ENOX1: variants seen among roughly 807,000 people sequenced by gnomAD.
ENOX1 encodes ecto-NOX disulfide-thiol exchanger 1.
Under a neutral mutation model 82.5 loss-of-function variants are expected in ENOX1, and 42 were observed. That is an observed-to-expected ratio of 0.51 (90% CI 0.40 to 0.66). ENOX1 has a LOEUF of 0.66. Ranked by LOEUF, ENOX1 falls within the 30% of genes least tolerant of loss-of-function variation. The pLI is 0.00. For synonymous variants in ENOX1, 271 were observed against 282.2 expected, an observed-to-expected ratio of 0.96 and a Z score of 0.40; for missense variants, 608 against 811.6, an observed-to-expected ratio of 0.75 and a Z score of 3.05.
At chr13:43,748,442 T>C (rs1950140537) in intron 1 of ENOX1, among the ~76,000 whole-genome samples, 5 of 152,230 alleles carry the variant, frequency 3.3e-5, no homozygotes, top group Admixed American at 3.3e-4. Flanking sequence ...TAAAAAGTTC[T>C]AAACTAATGG....
intron 5 of ENOX1, among the ~76,000 whole-genome samples, chr13:43,389,977 T>C (rs1429657195): frequency 6.6e-6 from 1 of 152,126 alleles, no homozygotes; most frequent in African/African-American, 2.4e-5. Flanking sequence ...CTAGCCTGTA[T>C]GAAAGAACAA....
chr13:43,340,825 C>A, intron 9 of ENOX1, among the ~76,000 whole-genome samples: 1 of 152,334 alleles, frequency 6.6e-6, no homozygotes, highest in Non-Finnish European at 1.5e-5. Context: ...TCTACTCATT[C>A]ATTCACTCAC....
intron 1 of ENOX1, among the ~76,000 whole-genome samples, chr13:43,700,076 T>C (rs2086833429): frequency 6.6e-6 from 1 of 152,146 alleles, no homozygotes; most frequent in African/African-American, 2.4e-5. Context: ...CTGTTAACAA[T>C]TGTTTGTTTT....
chr13:43,555,205 G>A (rs1335063584), intron 2 of ENOX1, among the ~76,000 whole-genome samples: 1 of 152,156 alleles, frequency 6.6e-6, no homozygotes, highest in African/African-American at 2.4e-5. Context: ...AGCTACAGAG[G>A]AAAAGTGCTA....
At chr13:43,585,023 C>T (rs895049835) in intron 2 of ENOX1, among the ~76,000 whole-genome samples, 1 of 152,186 alleles carries the variant, frequency 6.6e-6, no homozygotes, top group Non-Finnish European at 1.5e-5. Flanking sequence ...TTTGAATATG[C>T]TATCTCATAA....
At chr13:43,329,157 G>T (rs1253157979) in intron 9 of ENOX1, among the ~76,000 whole-genome samples, 1 of 152,232 alleles carries the variant, frequency 6.6e-6, no homozygotes, top group East Asian at 1.9e-4. Context: ...ATAGAGTTGT[G>T]GGAGGATGAG....
chr13:43,501,250 C>A (rs562879085), intron 2 of ENOX1, among the ~76,000 whole-genome samples: 1 of 151,630 alleles, frequency 6.6e-6, no homozygotes, highest in South Asian at 2.1e-4. Flanking sequence ...TTTAAGTCAA[C>A]TGTCACAAGA....
intron 2 of ENOX1, among the ~76,000 whole-genome samples, chr13:43,604,387 C>T (rs1180600510): frequency 6.6e-6 from 1 of 152,136 alleles, no homozygotes; most frequent in African/African-American, 2.4e-5. Context: ...AAAAACAATA[C>T]ACCAAAACCT....
intron 5 of ENOX1, among the ~76,000 whole-genome samples, chr13:43,387,323 C>T (rs906155981): frequency 4.6e-5 from 7 of 152,150 alleles, no homozygotes; most frequent in African/African-American, 1.4e-4. Context: ...CTTTTGAGTT[C>T]AGTTCCTAAA....
At chr13:43,359,511 TGA>T (rs1004013743) in intron 7 of ENOX1, among the ~76,000 whole-genome samples, 3 of 152,220 alleles carry the variant, frequency 2.0e-5, no homozygotes, top group African/African-American at 4.8e-5. Flanking sequence ...GAAATTATTC[TGA>T]GAGAGTACTT....
At chr13:43,578,799 A>G (rs2080562539) in intron 2 of ENOX1, among the ~76,000 whole-genome samples, 1 of 152,192 alleles carries the variant, frequency 6.6e-6, no homozygotes, top group East Asian at 1.9e-4. Flanking sequence ...AGAATGAATC[A>G]ATGAACACAA....
At chr13:43,751,828 C>T (rs1378611367) in intron 1 of ENOX1, among the ~76,000 whole-genome samples, 1 of 152,146 alleles carries the variant, frequency 6.6e-6, no homozygotes, top group Non-Finnish European at 1.5e-5. Context: ...TTACAAAGAA[C>T]ACTGCTATGA....
rs553160567 is a variant in ENOX1 at position 43,261,060 on chromosome 13, C to T, written c.1611+4338G>A. On this transcript the variant is annotated intron_variant, in intron 14 of 16. Coordinates refer to ENST00000690772, the MANE Select transcript of ENOX1 (RefSeq NM_001347969.2). Reference sequence around the variant, plus strand: ...TTTTAAATCTGCTTTCAGAAAACTTCTCCTGGGCATGCATTCGCAGATGAT... The same window carrying T: ...TTTTAAATCTGCTTTCAGAAAACTTTTCCTGGGCATGCATTCGCAGATGAT... 5.9e-5 allele frequency among the ~76,000 whole-genome samples: 9 copies of T among 152,282 alleles called. No homozygotes were observed. The East Asian group carries it at 1.7e-3, about 29-fold the overall frequency.
chr13:43,547,814 G>C (rs1454103617), intron 2 of ENOX1: 1 of 152,146 alleles, frequency 6.6e-6, no homozygotes, highest in African/African-American at 2.4e-5. Context: ...GGCTCTTCTA[G>C]AAAGTGGGAC....
chr13:43,771,933 A>ATTTTTTTTTTTTTTTTTT (rs34718451), intron 1 of ENOX1, among the ~76,000 whole-genome samples: 8 of 100,970 alleles, frequency 7.9e-5, no homozygotes, highest in African/African-American at 1.2e-4. Flanking sequence ...CGCCCGGCTA[A>ATTTTTTTTTTTTTTTTTT]TTTTTTTTTT....
intron 9 of ENOX1, among the ~76,000 whole-genome samples, chr13:43,337,129 G>A (rs1004403612): frequency 2.6e-5 from 4 of 152,244 alleles, no homozygotes; most frequent in South Asian, 2.1e-4. Flanking sequence ...TTGAGATCAC[G>A]GTTTACTAAA....
At position 43,213,544 on chromosome 13, in the gene ENOX1, C is replaced by CTTTTTTTTTTTTTTTTTTTTTTTTTTT. The variant is rs3043205; in HGVS notation, c.*445_*446insAAAAAAAAAAAAAAAAAAAAAAAAAAA. On this transcript the variant is annotated 3_prime_UTR_variant, in exon 17 of 17. Coordinates refer to ENST00000690772, the MANE Select transcript of ENOX1 (RefSeq NM_001347969.2). ...TTTTTCTTTTTTTCTTTTTCTTTTTCTTTTTTTTTTTTTTTTTTTTTTTAC... is the reference window on the plus strand; with the variant it reads ...TTTTTCTTTTTTTCTTTTTCTTTTTCTTTTTTTTTTTTTTTTTTTTTTTTTTTTTTTTTTTTTTTTTTTTTTTTTTAC... 1.3e-4 allele frequency: 11 copies of CTTTTTTTTTTTTTTTTTTTTTTTTTTT among 84,004 alleles called. No individual in the cohort carries two copies. The highest frequency in any genetic ancestry group is 4.2e-4 in the East Asian group (1 of 2,394). 5.2% of individuals were successfully genotyped at this position (84,004 alleles called of 1,614,324 possible).
chr13:43,232,583 G>GTATAGT (rs749607766), intron 15 of ENOX1, among the ~76,000 whole-genome samples: 26 of 152,088 alleles, frequency 1.7e-4, no homozygotes, highest in Non-Finnish European at 2.9e-4. Flanking sequence ...TCTGCTTCTG[G>GTATAGT]TATAGTCTGG....
chr13:43,462,775 T>C (rs925269259), intron 3 of ENOX1, among the ~76,000 whole-genome samples: 1 of 152,182 alleles, frequency 6.6e-6, no homozygotes, highest in Admixed American at 6.5e-5. Flanking sequence ...TAAGTCCCCA[T>C]AAACGAGTCA....
Sources: gnomAD v4.1 joint callset for allele counts (sites outside exome capture counted in the v4.1 genomes callset) on GRCh38, gnomAD v4.1.1 for gene constraint, MANE v1.5 for transcripts, NCBI Gene and HGNC (gene_info 2026-07-23, HGNC 2026-07-21) for gene names.